Variants in MAP9 observed in about 807,000 individuals in gnomAD.
MAP9 encodes the protein microtubule associated protein 9.
Under a neutral mutation model 75.2 loss-of-function variants are expected in MAP9, and 80 were observed. The observed-to-expected ratio is 1.06, with a 90% CI of 0.89 to 1.28. The LOEUF is 1.28. Among genes scored for constraint, MAP9 ranks in the 50% most tolerant of loss-of-function variants. MAP9 has a pLI of 0.00. For synonymous variants in MAP9, 235 were observed against 237.3 expected, an observed-to-expected ratio of 0.99 and a Z score of 0.09; for missense variants, 753 against 719.9, an observed-to-expected ratio of 1.05 and a Z score of -0.53.
chr4:155,359,381 CTAAATAATGTGTACACA>C (rs1255995778), intron 7 of MAP9, among the ~76,000 whole-genome samples: 4 of 151,804 alleles, frequency 2.6e-5, no homozygotes, highest in Non-Finnish European at 4.4e-5. Flanking sequence ...CAAGTCAGAG[CTAAATAATGTGTACACA>C]TGTATATAGG....
At position 155,344,379 on chromosome 4, in the gene MAP9, A is replaced by G. The variant is rs1364578304; in HGVS notation, c.*3404T>C. 6.6e-6 allele frequency: 1 copy of G among 152,002 alleles called. No homozygotes were observed. Among genetic ancestry groups the G allele is most frequent in the African/African-American group, 2.4e-5 (1 of 41,452 alleles). 9.4% of individuals were successfully genotyped at this position (152,002 alleles called of 1,614,324 possible). On this transcript the variant is annotated 3_prime_UTR_variant, in exon 14 of 14. Transcript: ENST00000311277. ...ACTGGGACCCCTGATACTGAGATCTAACTCTAGATGTACCATAGTTAGTTG... is the reference window on the plus strand; with the variant it reads ...ACTGGGACCCCTGATACTGAGATCTGACTCTAGATGTACCATAGTTAGTTG...
At chr4:155,367,038 A>G (rs1732361906) in intron 5 of MAP9, among the ~76,000 whole-genome samples, 1 of 152,208 alleles carries the variant, frequency 6.6e-6, no homozygotes, top group South Asian at 2.1e-4. Flanking sequence ...ACATCCCACA[A>G]TAAAATATCA....
chr4:155,360,184 G>A lies in MAP9; in HGVS notation c.1034C>T (p.Ala345Val). Reference sequence around the variant, plus strand: ...TACAAATACCTTTGAAGATGCTGTTGCACTGGTAGATATTAAGATACTCTG... The same window carrying A: ...TACAAATACCTTTGAAGATGCTGTTACACTGGTAGATATTAAGATACTCTG... ...KSQSILISTSATASSKKTIED... is the reference protein window; with the variant it reads ...KSQSILISTSVTASSKKTIED... Residue 345 changes from alanine (A) to valine (V), a missense_variant, in exon 7 of 14, where the codon GCA (alanine) becomes GTA (valine). Coordinates refer to ENST00000311277, the MANE Select transcript of MAP9 (RefSeq NM_001039580.2). 1.9e-6 allele frequency: 3 copies of A among 1,611,056 alleles called. No individual in the cohort carries two copies. The highest frequency in any genetic ancestry group is 2.5e-6 in the Non-Finnish European group (3 of 1,177,702).
intron 12 of MAP9, 77 bp from the exon 13 acceptor site, chr4:155,352,805 T>C: frequency 7.0e-7 from 1 of 1,436,784 alleles, no homozygotes. Context: ...TCTTTGACAG[T>C]AATGAAATTG....
At position 155,347,095 on chromosome 4, in the gene MAP9, T is replaced by A. The variant is rs750219187; in HGVS notation, c.*688A>T. The A allele has an allele frequency of 9.2e-5, 14 of 152,134 alleles. No homozygotes were observed. The highest frequency in any genetic ancestry group is 1.5e-4 in the Non-Finnish European group (10 of 68,022). 9.4% of individuals were successfully genotyped at this position (152,134 alleles called of 1,614,324 possible). A position where few individuals can be genotyped will look rare whatever the true frequency, so the allele number is the denominator to read the frequency against. ...ATGTCTTTTGGTATCACTGAAATAATAAAGTGAGATAGAATTCAGAAAGAA... is the reference window on the plus strand; with the variant it reads ...ATGTCTTTTGGTATCACTGAAATAAAAAAGTGAGATAGAATTCAGAAAGAA... On this transcript the variant is annotated 3_prime_UTR_variant, in exon 14 of 14. Coordinates refer to ENST00000311277, the MANE Select transcript of MAP9 (RefSeq NM_001039580.2).
intron 1 of MAP9, 127 bp from the exon 2 acceptor site, chr4:155,376,041 A>C (rs1732825351): frequency 1.4e-5 from 6 of 417,372 alleles, no homozygotes; most frequent in Non-Finnish European, 2.1e-5. Context: ...TCTTCACTTA[A>C]AAAGGTTCTT....
Position 155,368,774 on chromosome 4 carries a change from G to GT in MAP9, c.519dup (p.Pro174ThrfsTer24), listed in dbSNP as rs754126113. The GT allele has an allele frequency of 9.9e-6, 16 of 1,613,300 alleles. No individual in the cohort carries two copies. The highest frequency in any genetic ancestry group is 5.1e-6 in the Non-Finnish European group (6 of 1,179,568). On this transcript the variant is annotated frameshift_variant, in exon 5 of 14. Coordinates refer to ENST00000311277, the MANE Select transcript of MAP9 (RefSeq NM_001039580.2). LOFTEE classifies it high-confidence loss of function. The stretch of plus-strand genomic sequence containing the variant: ...AACATACTCCTTGGCCGAGGTGATG[G>GT]TTTAAAGTGATCATCTGTGTCAAGG...
chr4:155,368,505 T>C (rs758950771), intron 5 of MAP9, 81 bp downstream of exon 5: 4 of 1,156,724 alleles, frequency 3.5e-6, no homozygotes, highest in Non-Finnish European at 5.2e-6. Context: ...CACAAATTCA[T>C]TCTCTCCTTC....
chr4:155,373,195 T>C lies in MAP9; in HGVS notation c.422A>G (p.Lys141Arg). 1 of 1,599,906 alleles carries C rather than the reference T, an allele frequency of 6.3e-7. No individual in the cohort carries two copies. Among genetic ancestry groups the C allele is most frequent in the African/African-American group, 1.3e-5 (1 of 74,428 alleles). Reference protein sequence around the residue: ...ESQNKDEEFEKDKIKMKPKPR... With the variant: ...ESQNKDEEFERDKIKMKPKPR... The stretch of plus-strand genomic sequence containing the variant: ...TTTAGGTTTCATTTTTATTTTGTCT[T>C]TTTCAAATTCCTCATCCTTATTTTG... Residue 141 changes from lysine to arginine, a missense_variant, in exon 4 of 14, where the codon AAA (lysine) becomes AGA (arginine). Physicochemically the swap from Lys to Arg is conservative, Grantham distance 26. Coordinates refer to ENST00000311277, the MANE Select transcript of MAP9 (RefSeq NM_001039580.2).
At chr4:155,358,404 A>G (rs891483826) in intron 7 of MAP9, among the ~76,000 whole-genome samples, 49 of 152,318 alleles carry the variant, frequency 3.2e-4, no homozygotes, top group African/African-American at 1.2e-3. Context: ...GCTAAGGATG[A>G]TATACCTGGA....
Position 155,363,811 on chromosome 4 carries a change from TAAAAAC to T in MAP9, c.709-1676_709-1671del, listed in dbSNP as rs146427723. ...CTAAGTAATACAAGTTATTCAATCT[TAAAAAC>T]AAAGAGGAAAAAAGATTTAAGAAAT... On this transcript the variant is annotated intron_variant, in intron 5 of 13. Coordinates refer to ENST00000311277, the MANE Select transcript of MAP9 (RefSeq NM_001039580.2). Among the ~76,000 whole-genome samples the T allele has an allele frequency of 8.5e-3, 1,299 of 152,106 alleles. 8 individuals are homozygous for T. The highest frequency in any genetic ancestry group is 0.013 in the Non-Finnish European group (910 of 67,966).
intron 13 of MAP9, chr4:155,349,584 T>A (rs750826032): frequency 6.6e-6 from 1 of 152,228 alleles, no homozygotes; most frequent in Admixed American, 6.5e-5. Context: ...TTTTTGTCAA[T>A]GTTAACACCC....
intron 4 of MAP9, 132 bp from the exon 5 acceptor site, chr4:155,368,944 C>T: frequency 1.5e-6 from 1 of 674,260 alleles, no homozygotes. Flanking sequence ...CCAGATGAAG[C>T]CCACAACTCT....
intron 10 of MAP9, among the ~76,000 whole-genome samples, chr4:155,354,035 C>G (rs757539580): frequency 1.3e-4 from 20 of 152,230 alleles, no homozygotes; most frequent in Middle Eastern, 3.4e-3. Flanking sequence ...ATCTACCTCA[C>G]AGAGCTACGA....
Position 155,353,290 on chromosome 4 carries a change from C to A in MAP9, c.1431G>T (p.Lys477Asn). 1.9e-6 allele frequency: 3 copies of A among 1,604,484 alleles called. No homozygotes were observed. The highest frequency in any genetic ancestry group is 2.5e-6 in the Non-Finnish European group (3 of 1,177,240). Residue 477 changes from lysine (K) to asparagine (N), a missense_variant, in exon 11 of 14, where the codon AAG becomes AAT. Coordinates refer to ENST00000311277, the MANE Select transcript of MAP9 (RefSeq NM_001039580.2). ...EEALASFEAWKAMKEKEAKKI... is the reference protein window; with the variant it reads ...EEALASFEAWNAMKEKEAKKI... ...TCTTTGCTTCCTTTTCTTTCATAGC[C>A]TTCCAGGCCTCAAATGATGCTAATG...
chr4:155,366,244 A>G (rs1208348219), intron 5 of MAP9, among the ~76,000 whole-genome samples: 4 of 151,998 alleles, frequency 2.6e-5, no homozygotes, highest in Non-Finnish European at 5.9e-5. Flanking sequence ...CTGTAGTCCC[A>G]GCTACTCGGG....
rs1299548312 is a variant in MAP9, at chr4:155,347,044, A to G, written c.*739T>C. The G allele has an allele frequency of 6.6e-6, 1 of 152,176 alleles. No homozygotes were observed. 9.4% of individuals were successfully genotyped at this position (152,176 alleles called of 1,614,324 possible). A position where few individuals can be genotyped will look rare whatever the true frequency, so the allele number is the denominator to read the frequency against. The stretch of plus-strand genomic sequence containing the variant: ...CCTGTGGAATTTCCATAACTAATAC[A>G]TAAGTATATCACTACTGTGACATTG... On this transcript the variant is annotated 3_prime_UTR_variant, in exon 14 of 14. Transcript: ENST00000311277.
intron 11 of MAP9, 32 bp downstream of exon 11, chr4:155,353,147 A>T: frequency 2.6e-6 from 4 of 1,550,002 alleles, no homozygotes; most frequent in Non-Finnish European, 3.5e-6. Flanking sequence ...CAAATGTTTT[A>T]AAATAATTAA....
intron 5 of MAP9, chr4:155,368,205 C>T: frequency 3.2e-6 from 1 of 311,406 alleles, no homozygotes; most frequent in Non-Finnish European, 5.8e-6. Context: ...CCATAAATTA[C>T]ATAATTCAAA....
Sources: allele counts gnomAD v4.1 joint callset (sites outside exome capture counted in the v4.1 genomes callset), GRCh38; gene constraint gnomAD v4.1.1; transcripts MANE v1.5; gene names NCBI Gene and HGNC (gene_info 2026-07-23, HGNC 2026-07-21).